The following LRSAM1 variants were observed in gnomAD, a reference collection of about 807,000 sequenced individuals.
The protein encoded by LRSAM1 is E3 ubiquitin-protein ligase LRSAM1.
LRSAM1 carries 96 observed loss-of-function variants against 118.1 expected under a neutral mutation model. The ratio of observed to expected loss-of-function variants is 0.81; its 90% CI spans 0.69 to 0.96. LRSAM1 has a LOEUF of 0.96. LRSAM1 is among the 40% of genes least tolerant of loss of function. The pLI, the probability that LRSAM1 is intolerant of heterozygous loss-of-function variation, is 0.00. For missense variants in LRSAM1, 804 were observed against 915.5 expected, an observed-to-expected ratio of 0.88 and a Z score of 1.57; for synonymous variants, 322 against 364.2, an observed-to-expected ratio of 0.88 and a Z score of 1.32.
intron 25 of LRSAM1, 131 bp downstream of exon 25, chr9:127,501,274 G>A: frequency 8.1e-7 from 1 of 1,239,082 alleles, no homozygotes; most frequent in Non-Finnish European, 1.1e-6. Flanking sequence ...TAGAAAGAAG[G>A]CAGGAAATAA....
intron 9 of LRSAM1, among the ~76,000 whole-genome samples, chr9:127,462,948 C>A (rs558476399): frequency 6.6e-6 from 1 of 152,206 alleles, no homozygotes; most frequent in East Asian, 1.9e-4. Flanking sequence ...GTAATCCCAG[C>A]ACTTTGGGAG....
At chr9:127,499,702 G>A (rs746259267) in intron 24 of LRSAM1, among the ~76,000 whole-genome samples, 8 of 151,948 alleles carry the variant, frequency 5.3e-5, no homozygotes, top group Non-Finnish European at 8.8e-5. Context: ...AAGCCGAGGC[G>A]GGCAGATCAC....
At chr9:127,478,538 A>C (rs755146127) in intron 11 of LRSAM1, among the ~76,000 whole-genome samples, 1 of 152,202 alleles carries the variant, frequency 6.6e-6, no homozygotes, top group Non-Finnish European at 1.5e-5. Context: ...TTGTACCCAC[A>C]CCTTTGTGCA....
chr9:127,499,388 TTAA>T (rs1449368590), intron 24 of LRSAM1, among the ~76,000 whole-genome samples: 12 of 151,030 alleles, frequency 7.9e-5, no homozygotes, highest in Non-Finnish European at 1.8e-4. Context: ...AACAAAAAAA[TTAA>T]AAAAAATTAG....
chr9:127,496,634 A>G (rs562804223), intron 23 of LRSAM1, among the ~76,000 whole-genome samples: 5 of 152,268 alleles, frequency 3.3e-5, no homozygotes, highest in African/African-American at 1.2e-4. Context: ...TATCATTATC[A>G]TCATCTTTCA....
intron 24 of LRSAM1, among the ~76,000 whole-genome samples, chr9:127,498,986 G>A (rs1464330829): frequency 6.6e-6 from 1 of 151,974 alleles, no homozygotes; most frequent in Non-Finnish European, 1.5e-5. Context: ...GAACCCAGGA[G>A]GCGGAAGTTA....
At chr9:127,471,622 A>G (rs1355827692) in intron 10 of LRSAM1, among the ~76,000 whole-genome samples, 1 of 151,174 alleles carries the variant, frequency 6.6e-6, no homozygotes, top group Non-Finnish European at 1.5e-5. Flanking sequence ...CGCCATCTTT[A>G]CTAAAAATAC....
intron 9 of LRSAM1, among the ~76,000 whole-genome samples, chr9:127,466,431 G>T (rs1278941878): frequency 7.5e-6 from 1 of 133,504 alleles, no homozygotes; most frequent in Non-Finnish European, 1.6e-5. Context: ...ATGTGAAAGT[G>T]TATGAATATA....
intron 10 of LRSAM1, among the ~76,000 whole-genome samples, chr9:127,469,283 A>G (rs1370155945): frequency 1.3e-5 from 2 of 152,120 alleles, no homozygotes; most frequent in South Asian, 2.1e-4. Context: ...CAGCCTGGTC[A>G]ACATGGTAAA....
intron 7 of LRSAM1, among the ~76,000 whole-genome samples, chr9:127,459,352 G>C (rs1182658810): frequency 6.6e-6 from 1 of 151,748 alleles, no homozygotes; most frequent in Non-Finnish European, 1.5e-5. Flanking sequence ...CCTAGTAGCT[G>C]GGATTACAGG....
At chr9:127,455,086 G>C in intron 4 of LRSAM1, 32 bp downstream of exon 4, 4 of 1,608,708 alleles carry the variant, frequency 2.5e-6, no homozygotes, top group Non-Finnish European at 3.4e-6. Flanking sequence ...GCTGTGAATT[G>C]GATCTGTCCC....
At chr9:127,468,978 C>CA (rs144422060) in intron 10 of LRSAM1, among the ~76,000 whole-genome samples, 4,876 of 151,016 alleles carry the variant, frequency 0.032, 113 homozygotes, top group Middle Eastern at 0.061. Context: ...TACCCTATCT[C>CA]AAAAAAAAGG....
At chr9:127,494,211 CCAA>C (rs1034966416) in intron 21 of LRSAM1, among the ~76,000 whole-genome samples, 1 of 152,234 alleles carries the variant, frequency 6.6e-6, no homozygotes, top group African/African-American at 2.4e-5. Flanking sequence ...CCCGGGAGGG[CCAA>C]CGACGGAAGG....
At position 127,457,211 on chromosome 9, in the gene LRSAM1, A is replaced by G. The variant is rs1834551213; in HGVS notation, c.175-105A>G. 8 of 1,246,186 alleles carry G rather than the reference A, an allele frequency of 6.4e-6. 1 individual carries two copies. The highest frequency in any genetic ancestry group is 3.7e-4 in the Middle Eastern group (2 of 5,408). The allele number at this position is 1,246,186 out of a possible 1,614,324, so 77.2% of individuals were successfully genotyped here. A position where few individuals can be genotyped will look rare whatever the true frequency, so the allele number is the denominator to read the frequency against. ...TCCCCGTGGTGGTGTCTGGGAGAGC[A>G]AGATGGTGGGGCGTGGCACGGCGCT... On this transcript the variant is annotated intron_variant, in intron 5 of 25. Coordinates refer to ENST00000300417, the MANE Select transcript of LRSAM1 (RefSeq NM_001005373.4).
chr9:127,455,468 TG>T (rs1834482827), intron 4 of LRSAM1, 107 bp from the exon 5 acceptor site: 1 of 1,137,996 alleles, frequency 8.8e-7, no homozygotes, highest in Non-Finnish European at 1.3e-6. Context: ...TGTGGCGTTT[TG>T]CCCTTGTTCA....
intron 24 of LRSAM1, among the ~76,000 whole-genome samples, chr9:127,500,132 G>A (rs946262420): frequency 7.5e-6 from 1 of 133,206 alleles, no homozygotes; most frequent in African/African-American, 2.7e-5. Context: ...AGGCTGAGGT[G>A]GGCAGATCAC....
chr9:127,462,485 T>C, intron 9 of LRSAM1, 112 bp downstream of exon 9: 1 of 1,550,912 alleles, frequency 6.4e-7, no homozygotes, highest in Non-Finnish European at 8.9e-7. Context: ...CACACAGAGA[T>C]CCCAAGGCAT....
intron 2 of LRSAM1, 103 bp from the exon 3 acceptor site, chr9:127,454,393 G>A: frequency 2.3e-6 from 2 of 875,084 alleles, no homozygotes; most frequent in Middle Eastern, 2.2e-4. Flanking sequence ...GGAACTCATG[G>A]TCCAGCAGAC....
chr9:127,460,468 T>C (rs1449829410), intron 7 of LRSAM1, among the ~76,000 whole-genome samples: 1 of 152,178 alleles, frequency 6.6e-6, no homozygotes, highest in Non-Finnish European at 1.5e-5. Context: ...AGGGCAGCCT[T>C]TTCCTTAAGG....
Sources: allele counts gnomAD v4.1 joint callset (sites outside exome capture counted in the v4.1 genomes callset), GRCh38; gene constraint gnomAD v4.1.1; transcripts MANE v1.5; gene names NCBI Gene and HGNC (gene_info 2026-07-23, HGNC 2026-07-21).